The following MRAS variants were observed in gnomAD, a reference collection of about 807,000 sequenced individuals.
MRAS encodes the protein muscle RAS oncogene homolog.
In MRAS, 4 loss-of-function variants were observed where a neutral mutation model predicts 20.9. That is an observed-to-expected ratio of 0.19 (90% CI 0.09 to 0.44). MRAS has a LOEUF of 0.44. Ranked by LOEUF, MRAS falls within the 20% of genes least tolerant of loss-of-function variation. The probability of loss-of-function intolerance (pLI) is 0.99; values close to 1 mark genes in which losing one functional copy is unlikely to be tolerated. For missense variants in MRAS, 154 were observed against 277.5 expected, an observed-to-expected ratio of 0.56 and a Z score of 3.16; for synonymous variants, 98 against 102.9, an observed-to-expected ratio of 0.95 and a Z score of 0.29.
chr3:138,382,726 G>A (rs1318288976), intron 2 of MRAS, among the ~76,000 whole-genome samples: 2 of 152,160 alleles, frequency 1.3e-5, no homozygotes, highest in South Asian at 2.1e-4. Context: ...GCACAGCCTG[G>A]GCTCGTTCCA....
At chr3:138,388,741 T>A (rs1039773296) in intron 2 of MRAS, among the ~76,000 whole-genome samples, 1 of 152,092 alleles carries the variant, frequency 6.6e-6, no homozygotes, top group Admixed American at 6.5e-5. Flanking sequence ...AAGAAAACTT[T>A]AGGTATGGCC....
At chr3:138,363,894 G>C (rs796176750) in intron 1 of MRAS, among the ~76,000 whole-genome samples, 13 of 133,786 alleles carry the variant, frequency 9.7e-5, no homozygotes, top group African/African-American at 3.5e-4. Context: ...TCTGGATTTA[G>C]AAACCAGAGG....
intron 1 of MRAS, among the ~76,000 whole-genome samples, chr3:138,353,235 G>A (rs1178563810): frequency 1.3e-5 from 2 of 152,082 alleles, no homozygotes; most frequent in Non-Finnish European, 2.9e-5. Context: ...CCCAGATTAA[G>A]GCTAAAGAAG....
chr3:138,392,449 T>G (rs1402262052), intron 2 of MRAS, among the ~76,000 whole-genome samples: 1 of 152,254 alleles, frequency 6.6e-6, no homozygotes, highest in African/African-American at 2.4e-5. Flanking sequence ...GAGAGGCCTC[T>G]TCAAGTCTCT....
At chr3:138,395,034 C>A (rs540464169) in intron 2 of MRAS, among the ~76,000 whole-genome samples, 20 of 152,120 alleles carry the variant, frequency 1.3e-4, no homozygotes, top group African/African-American at 3.6e-4. Context: ...CTTTTTCTTT[C>A]TTTTTTATTT....
At chr3:138,386,604 C>G (rs1212637149) in intron 2 of MRAS, among the ~76,000 whole-genome samples, 1 of 152,174 alleles carries the variant, frequency 6.6e-6, no homozygotes, top group East Asian at 1.9e-4. Context: ...CTGCCTCAGC[C>G]TCCCGAGTAT....
At chr3:138,389,987 T>C (rs567683549) in intron 2 of MRAS, among the ~76,000 whole-genome samples, 75 of 148,614 alleles carry the variant, frequency 5.0e-4, no homozygotes, top group African/African-American at 1.8e-3. Flanking sequence ...ATCCCAGGCG[T>C]GGGCAGTTTT....
At chr3:138,376,303 G>A (rs116720193) in intron 2 of MRAS, among the ~76,000 whole-genome samples, 284 of 152,058 alleles carry the variant, frequency 1.9e-3, no homozygotes, top group African/African-American at 6.5e-3. Flanking sequence ...ATTGACACTA[G>A]TATCCACCCC....
chr3:138,372,210 GAA>G (rs898909353), intron 1 of MRAS, among the ~76,000 whole-genome samples: 3 of 152,114 alleles, frequency 2.0e-5, no homozygotes, highest in African/African-American at 7.2e-5. Flanking sequence ...CCCTGACTGA[GAA>G]CCACTGCCTT....
At chr3:138,356,867 C>T (rs892765632) in intron 1 of MRAS, among the ~76,000 whole-genome samples, 4 of 152,342 alleles carry the variant, frequency 2.6e-5, no homozygotes, top group Middle Eastern at 3.4e-3. Flanking sequence ...GCATCATAGC[C>T]TTCCCATCCA....
chr3:138,378,475 G>A (rs561948664), intron 2 of MRAS, among the ~76,000 whole-genome samples: 1 of 152,244 alleles, frequency 6.6e-6, no homozygotes, highest in South Asian at 2.1e-4. Context: ...ACTTTATATT[G>A]TCAAGGGCCC....
At chr3:138,353,490 C>T (rs756016131) in intron 1 of MRAS, among the ~76,000 whole-genome samples, 9 of 152,196 alleles carry the variant, frequency 5.9e-5, no homozygotes, top group South Asian at 4.1e-4. Flanking sequence ...ACTGCATTTG[C>T]GGATTCTCTC....
intron 1 of MRAS, chr3:138,349,899 C>T (rs550278917): frequency 1.3e-5 from 2 of 152,168 alleles, no homozygotes; most frequent in Non-Finnish European, 2.9e-5. Context: ...GACAAGACAC[C>T]TCCAGAAGGA....
At chr3:138,389,684 G>A (rs73227595) in intron 2 of MRAS, among the ~76,000 whole-genome samples, 61 of 151,870 alleles carry the variant, frequency 4.0e-4, no homozygotes, top group Non-Finnish European at 5.7e-4. Flanking sequence ...CTGGTGCATG[G>A]CCTTTAGTGG....
chr3:138,363,036 G>GT (rs1294394034), intron 1 of MRAS, among the ~76,000 whole-genome samples: 1 of 144,210 alleles, frequency 6.9e-6, no homozygotes, highest in Admixed American at 6.6e-5. Context: ...ACTGTTTTTT[G>GT]TTTTTTGTGT....
At chr3:138,355,583 T>A (rs1260926302) in intron 1 of MRAS, among the ~76,000 whole-genome samples, 1 of 152,232 alleles carries the variant, frequency 6.6e-6, no homozygotes, top group Non-Finnish European at 1.5e-5. Flanking sequence ...GTCCTCTTCA[T>A]TAAGTGCTGA....
At chr3:138,400,387 T>C in intron 4 of MRAS, 147 bp from the exon 5 acceptor site, 1 of 693,430 alleles carries the variant, frequency 1.4e-6, no homozygotes, top group Non-Finnish European at 2.6e-6. Context: ...AAGCCCTAAA[T>C]GATGCTTGAG....
chr3:138,392,582 T>C (rs965794677), intron 2 of MRAS, among the ~76,000 whole-genome samples: 2 of 152,242 alleles, frequency 1.3e-5, no homozygotes, highest in African/African-American at 4.8e-5. Context: ...TCTTGATGCT[T>C]GTACCTTTCC....
chr3:138,354,982 C>A (rs1051724241), intron 1 of MRAS, among the ~76,000 whole-genome samples: 3 of 151,940 alleles, frequency 2.0e-5, no homozygotes, highest in Admixed American at 2.0e-4. Context: ...ATGGGGTCTC[C>A]CTTTGTTGTT....
Sources: gnomAD v4.1 joint callset for allele counts (sites outside exome capture counted in the v4.1 genomes callset) on GRCh38, gnomAD v4.1.1 for gene constraint, MANE v1.5 for transcripts, NCBI Gene and HGNC (gene_info 2026-07-23, HGNC 2026-07-21) for gene names.